The following HSD17B4 variants were observed in gnomAD, a reference collection of about 807,000 sequenced individuals.
HSD17B4 encodes the protein peroxisomal multifunctional enzyme type 2.
A neutral mutation model predicts 101.0 loss-of-function variants in HSD17B4; 70 were observed. That is an observed-to-expected ratio of 0.69 (90% confidence interval 0.57 to 0.85). HSD17B4 has a LOEUF of 0.85. HSD17B4 is among the 40% of genes least tolerant of loss of function. HSD17B4 has a pLI of 0.00. For missense variants in HSD17B4, 984 were observed against 892.4 expected, an observed-to-expected ratio of 1.10 and a Z score of -1.31; for synonymous variants, 347 against 297.1, an observed-to-expected ratio of 1.17 and a Z score of -1.73.
At chr5:119,496,510 T>C (rs774351250) in intron 11 of HSD17B4, 33 bp from the exon 12 acceptor site, 8 of 1,105,424 alleles carry the variant, frequency 7.2e-6, no homozygotes, top group Admixed American at 6.8e-5. Flanking sequence ...TTAACAAAGC[T>C]TTATTTTTTT....
At chr5:119,467,281 C>G (rs1755905581) in intron 2 of HSD17B4, among the ~76,000 whole-genome samples, 1 of 152,186 alleles carries the variant, frequency 6.6e-6, no homozygotes, top group South Asian at 2.1e-4. Flanking sequence ...CATTTCATTT[C>G]TAGAGCAGTG....
chr5:119,522,204 C>G (rs1561482860), intron 17 of HSD17B4, among the ~76,000 whole-genome samples: 1 of 151,950 alleles, frequency 6.6e-6, no homozygotes, highest in South Asian at 2.1e-4. Flanking sequence ...TTTGTCCTTG[C>G]AATAGTTTTC....
chr5:119,539,854 C>T (rs1298855927), intron 23 of HSD17B4, among the ~76,000 whole-genome samples: 1 of 147,552 alleles, frequency 6.8e-6, no homozygotes, highest in African/African-American at 2.5e-5. Context: ...CTTTGGGAGG[C>T]CAAGGCAGGA....
intron 16 of HSD17B4, among the ~76,000 whole-genome samples, chr5:119,514,231 G>A (rs1291683174): frequency 6.6e-6 from 1 of 152,066 alleles, no homozygotes; most frequent in South Asian, 2.1e-4. Flanking sequence ...GGTGTGGCGG[G>A]GTTTGTGAGG....
At chr5:119,474,145 T>C (rs1748336454) in intron 3 of HSD17B4, 130 bp downstream of exon 3, 3 of 699,062 alleles carry the variant, frequency 4.3e-6, no homozygotes, top group Non-Finnish European at 7.7e-6. Flanking sequence ...CAAAGTTTTC[T>C]GACTACATAT....
At chr5:119,516,916 G>A (rs2126841682) in intron 17 of HSD17B4, among the ~76,000 whole-genome samples, 1 of 152,388 alleles carries the variant, frequency 6.6e-6, no homozygotes, top group Middle Eastern at 3.4e-3. Flanking sequence ...GGAATGACAT[G>A]TAGAAGTGAG....
chr5:119,471,753 CT>C lies in HSD17B4; in HGVS notation c.113-2150del, dbSNP rs199913971. On this transcript the variant is annotated intron_variant, in intron 2 of 23. Coordinates refer to ENST00000510025, the MANE Select transcript of HSD17B4 (RefSeq NM_000414.4). ...AGTTATTTGGCATTTATCTATGTAT[CT>C]TTTTATTAGTTTTTGCATGTTATTT... 1,690 of 899,398 alleles carry C rather than the reference CT, an allele frequency of 1.9e-3. 20 individuals are homozygous for C. In the African/African-American group the frequency reaches 0.025, roughly 13 times the overall value. The allele number at this position is 899,398 out of a possible 1,614,324, so 55.7% of individuals were successfully genotyped here. A position where few individuals can be genotyped will look rare whatever the true frequency, so the allele number is the denominator to read the frequency against.
At chr5:119,483,883 G>C (rs558761884) in intron 8 of HSD17B4, among the ~76,000 whole-genome samples, 14 of 152,128 alleles carry the variant, frequency 9.2e-5, no homozygotes, top group African/African-American at 3.1e-4. Context: ...AAAATAACTT[G>C]CTAATATTAC....
intron 8 of HSD17B4, among the ~76,000 whole-genome samples, chr5:119,487,607 T>G (rs544899472): frequency 8.5e-5 from 13 of 152,264 alleles, no homozygotes; most frequent in African/African-American, 3.1e-4. Context: ...TAAAATAAAC[T>G]GCAAGGCAGA....
In HSD17B4 at chr5:119,527,351, C is replaced by A. The variant is rs1056025839; in HGVS notation, c.1767+132C>A. On this transcript the variant is annotated intron_variant, in intron 20 of 23. Transcript: ENST00000510025. ...GTAAATTTTAATTAAAAATAAGATA[C>A]AGCTTGTCTGGTGTTTTCAAAATTT... is the stretch of plus-strand genomic sequence containing the variant. 22 of 636,248 alleles carry A rather than the reference C, an allele frequency of 3.5e-5. No individual in the cohort carries two copies. The African/African-American group carries it at 3.5e-4, about 10-fold the overall frequency. The allele number at this position is 636,248 out of a possible 1,614,324, so 39.4% of individuals were successfully genotyped here.
rs142249213 is a variant in HSD17B4 at position 119,526,007 on chromosome 5, G to T, written c.1664G>T (p.Arg555Ile). Residue 555 changes from arginine (R) to isoleucine (I), a missense_variant, in exon 19 of 24, where the codon AGA becomes ATA. By Grantham distance (97) the Arg-to-Ile change is moderately conservative (BLOSUM62 -3). Coordinates refer to ENST00000510025, the MANE Select transcript of HSD17B4 (RefSeq NM_000414.4). ...CAGTTTGCAGATAATGATGTGTCAA[G>T]ATTCAAGGCAATTAAGGTAAATGTG... ...LQQFADNDVS[R>I]FKAIKARFAK... The T allele has an allele frequency of 1.3e-6, 2 of 1,591,980 alleles. No individual in the cohort carries two copies. The highest frequency in any genetic ancestry group is 1.7e-6 in the Non-Finnish European group (2 of 1,160,196).
intron 14 of HSD17B4, among the ~76,000 whole-genome samples, chr5:119,503,556 C>T (rs565792142): frequency 2.8e-4 from 42 of 152,244 alleles, no homozygotes; most frequent in African/African-American, 9.9e-4. Context: ...TTATAATCTA[C>T]TACTGTTTAT....
At chr5:119,491,514 T>G (rs983308203) in intron 9 of HSD17B4, among the ~76,000 whole-genome samples, 2 of 93,316 alleles carry the variant, frequency 2.1e-5, no homozygotes, top group Non-Finnish European at 4.2e-5. Context: ...GAAAAAATTA[T>G]AGCAGTGAAA....
intron 17 of HSD17B4, among the ~76,000 whole-genome samples, chr5:119,520,529 T>C (rs1473748218): frequency 1.3e-5 from 2 of 152,226 alleles, no homozygotes; most frequent in African/African-American, 4.8e-5. Context: ...GAGACCACTT[T>C]GCTATATTCG....
chr5:119,475,148 G>T (rs540259925), intron 4 of HSD17B4, among the ~76,000 whole-genome samples: 3 of 152,036 alleles, frequency 2.0e-5, no homozygotes, highest in South Asian at 4.1e-4. Flanking sequence ...TTCACATATC[G>T]TCTGACAGGG....
chr5:119,528,238 C>T (rs753864858), intron 20 of HSD17B4, among the ~76,000 whole-genome samples: 2 of 152,070 alleles, frequency 1.3e-5, no homozygotes, highest in African/African-American at 2.4e-5. Context: ...GATAGAAACC[C>T]GATCAGCATG....
intron 12 of HSD17B4, among the ~76,000 whole-genome samples, chr5:119,498,495 C>T (rs142316781): frequency 9.1e-4 from 139 of 152,252 alleles, no homozygotes; most frequent in Middle Eastern, 3.4e-3. Flanking sequence ...TTATTAGCTA[C>T]GCATATTATC....
rs3797360 is a variant in HSD17B4, at chr5:119,489,648, G to A, written c.714+365G>A. Among the ~76,000 whole-genome samples, 3,938 of 152,120 alleles carry A rather than the reference G, an allele frequency of 0.026. 497 individuals are homozygous for A. The East Asian group carries it at 0.42, about 16-fold the overall frequency. On this transcript the variant is annotated intron_variant, in intron 9 of 23. Coordinates refer to ENST00000510025, the MANE Select transcript of HSD17B4 (RefSeq NM_000414.4). ...TCTGGGAATTGCAGATTTGACCTTCGTGAGCTTTAGTTTTCTGGGGCTTTC... is the reference window on the plus strand; with the variant it reads ...TCTGGGAATTGCAGATTTGACCTTCATGAGCTTTAGTTTTCTGGGGCTTTC...
rs781725829 is a variant in HSD17B4 at position 119,499,326 on chromosome 5, A to G, written c.982A>G (p.Ile328Val). Residue 328 changes from isoleucine to valine, a missense_variant, in exon 13 of 24, where the codon ATT becomes GTT. Ile to Val is a conservative substitution (Grantham distance 29, BLOSUM62 3). Coordinates refer to ENST00000510025, the MANE Select transcript of HSD17B4 (RefSeq NM_000414.4). ...TTAAAACTGTTCTTAGGCTGGAGCT[A>G]TTGGCCAGAAACTCCCTCCATTTTC... Reference protein sequence around the residue: ...STATSGFAGAIGQKLPPFSYA... With the variant: ...STATSGFAGAVGQKLPPFSYA... 2.5e-6 allele frequency: 4 copies of G among 1,609,252 alleles called. No homozygotes were observed. The highest frequency in any genetic ancestry group is 1.7e-5 in the Admixed American group (1 of 59,994).
Sources: allele counts gnomAD v4.1 joint callset (sites outside exome capture counted in the v4.1 genomes callset), GRCh38; gene constraint gnomAD v4.1.1; transcripts MANE v1.5; gene names NCBI Gene and HGNC (gene_info 2026-07-23, HGNC 2026-07-21).